WNK3: variants seen among roughly 807,000 people sequenced by gnomAD.
WNK3 encodes WNK lysine deficient protein kinase 3, also known as serine/threonine-protein kinase WNK3.
WNK3 carries 18 observed loss-of-function variants against 116.7 expected under a neutral mutation model. That is an observed-to-expected ratio of 0.15 (90% CI 0.11 to 0.23). The LOEUF is 0.23. Ranked by LOEUF, WNK3 falls within the 10% of genes least tolerant of loss-of-function variation. The pLI is 1.00. For synonymous variants in WNK3, 404 were observed against 469.4 expected, an observed-to-expected ratio of 0.86 and a Z score of 1.80; for missense variants, 993 against 1,323.8, an observed-to-expected ratio of 0.75 and a Z score of 3.88.
intron 2 of WNK3, among the ~76,000 whole-genome samples, chrX:54,317,241 C>A (rs782373776): frequency 9.2e-6 from 1 of 108,594 alleles, no homozygotes; most frequent in East Asian, 2.9e-4. Context: ...CTCACTGCAA[C>A]CTCCGCCTGC....
intron 19 of WNK3, among the ~76,000 whole-genome samples, chrX:54,238,102 G>A (rs781826314): frequency 4.7e-4 from 52 of 110,107 alleles, no homozygotes; most frequent in African/African-American, 1.6e-3. Flanking sequence ...GTGTGGTGGC[G>A]CGCACTTGTA....
At chrX:54,234,106 T>A (rs1238947267) in intron 20 of WNK3, among the ~76,000 whole-genome samples, 1 of 106,825 alleles carries the variant, frequency 9.4e-6, no homozygotes, top group Non-Finnish European at 2.0e-5. Flanking sequence ...AGGCATGGTG[T>A]CTCATGCCTA....
chrX:54,234,355 T>C (rs2067938056), intron 20 of WNK3, among the ~76,000 whole-genome samples: 1 of 109,837 alleles, frequency 9.1e-6, no homozygotes, highest in Admixed American at 9.7e-5. Flanking sequence ...ATGGGTAACA[T>C]AGTAAGACTC....
chrX:54,204,294 T>G (rs1023014275), intron 22 of WNK3, among the ~76,000 whole-genome samples: 8 of 110,188 alleles, frequency 7.3e-5, no homozygotes, highest in African/African-American at 2.6e-4. Flanking sequence ...AATTTTTGTA[T>G]TTTTGGTAGA....
intron 10 of WNK3, among the ~76,000 whole-genome samples, chrX:54,281,186 C>A (rs1262720632): frequency 6.3e-5 from 7 of 111,408 alleles, no homozygotes; most frequent in Non-Finnish European, 1.1e-4. Flanking sequence ...GGTGAGGATA[C>A]TTAAGATCTC....
chrX:54,236,889 A>G (rs1421715622), intron 20 of WNK3, 49 bp downstream of exon 20: 3 of 1,142,652 alleles, frequency 2.6e-6, no homozygotes, highest in African/African-American at 1.8e-5. Flanking sequence ...ACTAAGTTCT[A>G]TAAAACCTAG....
intron 8 of WNK3, 134 bp downstream of exon 8, chrX:54,294,419 C>T: frequency 2.3e-6 from 1 of 440,086 alleles, no homozygotes; most frequent in Non-Finnish European, 3.6e-6. Context: ...CACAGAAGTG[C>T]TATTTAAAGA....
intron 1 of WNK3, among the ~76,000 whole-genome samples, chrX:54,340,257 G>A (rs781836849): frequency 8.9e-6 from 1 of 111,825 alleles, no homozygotes; most frequent in Admixed American, 9.6e-5. Flanking sequence ...ACCTACAGGG[G>A]AGGAGAAAGT....
intron 5 of WNK3, among the ~76,000 whole-genome samples, chrX:54,304,400 G>A (rs1448447600): frequency 9.2e-6 from 1 of 109,153 alleles, no homozygotes; most frequent in Non-Finnish European, 1.9e-5. Flanking sequence ...AAATAGCTGC[G>A]TGTGGTGGTG....
exon 14 of WNK3, chrX:54,251,559 A>T: frequency 1.7e-6 from 2 of 1,211,299 alleles, no homozygotes; most frequent in Non-Finnish European, 2.2e-6. Context: ...CCACAGTAAT[A>T]GAATCAACTC....
At chrX:54,358,496 CCT>C (rs1557179794), upstream of WNK3, 1 of 111,965 alleles carries the variant, frequency 8.9e-6, no homozygotes, top group Non-Finnish European at 1.9e-5. Context: ...GCCCGCCACC[CCT>C]GACTCCCTTT....
chrX:54,198,279 A>C lies in WNK3; in HGVS notation c.*45T>G, dbSNP rs1233050099. The stretch of plus-strand genomic sequence containing the variant: ...ACTTTAATATCTTGGGTGTCCTGAA[A>C]ATAATTCTGAAAAAACCTCCCTTTT... On this transcript the variant is annotated 3_prime_UTR_variant, in exon 24 of 24. Transcript: ENST00000354646. The C allele has an allele frequency of 4.8e-6, 5 of 1,049,023 alleles. No homozygotes were observed. In the African/African-American group the frequency reaches 9.4e-5, roughly 20 times the overall value. The allele number at this position is 1,049,023 out of a possible 1,213,427, so 86.5% of individuals were successfully genotyped here.
chrX:54,282,694 C>T (rs2068530801), intron 10 of WNK3, among the ~76,000 whole-genome samples: 2 of 111,262 alleles, frequency 1.8e-5, no homozygotes, highest in South Asian at 7.6e-4. Flanking sequence ...TGATTGTCAA[C>T]AAGGGTGCCA....
chrX:54,296,543 A>G (rs1603392303), intron 7 of WNK3, among the ~76,000 whole-genome samples: 1 of 111,106 alleles, frequency 9.0e-6, no homozygotes, highest in Non-Finnish European at 1.9e-5. Flanking sequence ...ACAGGAGTGA[A>G]GCAGAGAAGT....
intron 10 of WNK3, among the ~76,000 whole-genome samples, chrX:54,264,853 ATT>A (rs374917527): frequency 4.9e-5 from 5 of 102,198 alleles, no homozygotes; most frequent in Non-Finnish European, 4.0e-5. Flanking sequence ...AGCAACTAAC[ATT>A]TTTTTTTTTT....
At chrX:54,283,239 T>C (rs1557163061) in intron 10 of WNK3, among the ~76,000 whole-genome samples, 6 of 108,582 alleles carry the variant, frequency 5.5e-5, no homozygotes, top group Non-Finnish European at 1.9e-5. Flanking sequence ...AGACCAGGAG[T>C]TCAAAACCAG....
At chrX:54,334,288 G>C (rs1016770825) in intron 1 of WNK3, among the ~76,000 whole-genome samples, 2 of 111,728 alleles carry the variant, frequency 1.8e-5, no homozygotes, top group Non-Finnish European at 3.8e-5. Flanking sequence ...TACATTCACA[G>C]TGTTGTGCAA....
chrX:54,300,641 A>T (rs1437104457), intron 6 of WNK3, among the ~76,000 whole-genome samples: 1 of 111,889 alleles, frequency 8.9e-6, no homozygotes, highest in Non-Finnish European at 1.9e-5. Flanking sequence ...TGGTAATAGA[A>T]CATATTTAAA....
chrX:54,319,619 C>T (rs998991061), intron 2 of WNK3, among the ~76,000 whole-genome samples: 2 of 112,185 alleles, frequency 1.8e-5, no homozygotes, highest in African/African-American at 6.5e-5. Flanking sequence ...CAACTGTTTT[C>T]CCAGATATAC....
Sources: gnomAD v4.1 joint callset for allele counts (sites outside exome capture counted in the v4.1 genomes callset) on GRCh38, gnomAD v4.1.1 for gene constraint, MANE v1.5 for transcripts, NCBI Gene and HGNC (gene_info 2026-07-23, HGNC 2026-07-21) for gene names.